Variants in FCHSD2 observed in about 807,000 individuals in gnomAD.
The protein encoded by FCHSD2 is F-BAR and double SH3 domains protein 2.
FCHSD2 carries 38 observed loss-of-function variants against 108.1 expected under a neutral mutation model. The observed-to-expected ratio is 0.35, with a 90% CI of 0.27 to 0.46. FCHSD2 has a LOEUF of 0.46. Among genes scored for constraint, FCHSD2 ranks in the 20% least tolerant of loss-of-function variants. FCHSD2 has a pLI of 1.00. For synonymous variants in FCHSD2, 279 were observed against 314.7 expected (o/e 0.89, Z 1.20); for missense variants, 751 against 897.8 (o/e 0.84, Z 2.09).
chr11:73,032,344 T>C (rs968774929), intron 3 of FCHSD2, among the ~76,000 whole-genome samples: 2 of 152,160 alleles, frequency 1.3e-5, no homozygotes, highest in African/African-American at 4.8e-5. Context: ...TCTTCCCACC[T>C]CGGCTTCCCA....
At chr11:73,083,136 GTAT>G (rs1316900909) in intron 3 of FCHSD2, among the ~76,000 whole-genome samples, 1 of 152,112 alleles carries the variant, frequency 6.6e-6, no homozygotes, top group Non-Finnish European at 1.5e-5. Flanking sequence ...CTTGTAAAAA[GTAT>G]TATTATTCAT....
At chr11:73,138,625 T>C (rs1033504575) in intron 2 of FCHSD2, among the ~76,000 whole-genome samples, 6 of 150,376 alleles carry the variant, frequency 4.0e-5, no homozygotes, top group African/African-American at 1.5e-4. Context: ...TTTTTTTTTT[T>C]TGAGACAGGG....
intron 2 of FCHSD2, among the ~76,000 whole-genome samples, chr11:73,138,290 A>C (rs1453180768): frequency 1.3e-5 from 2 of 152,232 alleles, no homozygotes; most frequent in East Asian, 3.8e-4. Context: ...ATCAGGACAC[A>C]AACTCAGGAC....
At chr11:72,921,575 T>A (rs1191300630) in intron 9 of FCHSD2, among the ~76,000 whole-genome samples, 3 of 152,232 alleles carry the variant, frequency 2.0e-5, no homozygotes, top group Non-Finnish European at 4.4e-5. Flanking sequence ...TCAAAGGCAA[T>A]GCACATGGCA....
intron 8 of FCHSD2, among the ~76,000 whole-genome samples, chr11:72,946,628 T>G (rs1856526084): frequency 1.3e-5 from 2 of 152,234 alleles, no homozygotes. Flanking sequence ...AATGCAAGTC[T>G]GTAAAATAGG....
chr11:72,907,599 G>GTGT (rs1855657221), intron 9 of FCHSD2, among the ~76,000 whole-genome samples: 2 of 114,656 alleles, frequency 1.7e-5, no homozygotes, highest in East Asian at 5.5e-4. Flanking sequence ...AATCACGTGG[G>GTGT]TTTTTTTTTT....
At chr11:72,938,698 A>G (rs566915416) in intron 8 of FCHSD2, among the ~76,000 whole-genome samples, 1 of 152,316 alleles carries the variant, frequency 6.6e-6, no homozygotes, top group South Asian at 2.1e-4. Flanking sequence ...CTCGTATTCT[A>G]CACAAACAGT....
At chr11:73,124,441 T>C (rs1316148883) in intron 2 of FCHSD2, among the ~76,000 whole-genome samples, 1 of 151,376 alleles carries the variant, frequency 6.6e-6, no homozygotes, top group Non-Finnish European at 1.5e-5. Context: ...AGAGAGAGAA[T>C]GGGGCAGAAA....
intron 8 of FCHSD2, among the ~76,000 whole-genome samples, chr11:72,980,278 T>A (rs944425891): frequency 2.0e-5 from 3 of 152,210 alleles, no homozygotes; most frequent in Non-Finnish European, 4.4e-5. Context: ...CAGTAGGCCA[T>A]CTAAGCAGTG....
At chr11:73,049,684 TAAAAAAAA>T (rs557262661) in intron 3 of FCHSD2, among the ~76,000 whole-genome samples, 1 of 75,664 alleles carries the variant, frequency 1.3e-5, no homozygotes, top group African/African-American at 3.8e-5. Flanking sequence ...TAGAGTATAA[TAAAAAAAA>T]AAAAAAAAAG....
At chr11:72,851,173 C>T (rs1475289517) in intron 13 of FCHSD2, among the ~76,000 whole-genome samples, 2 of 148,574 alleles carry the variant, frequency 1.3e-5, no homozygotes, top group African/African-American at 4.9e-5. Context: ...TCATCTATGG[C>T]TGGTAGAAAT....
intron 17 of FCHSD2, 120 bp from the exon 18 acceptor site, chr11:72,841,703 G>T: frequency 9.2e-7 from 1 of 1,092,092 alleles, no homozygotes; most frequent in Non-Finnish European, 1.3e-6. Flanking sequence ...GTTGAAACTT[G>T]TCAACCTCAT....
At chr11:73,049,175 G>A (rs931123559) in intron 3 of FCHSD2, among the ~76,000 whole-genome samples, 1 of 152,078 alleles carries the variant, frequency 6.6e-6, no homozygotes, top group African/African-American at 2.4e-5. Flanking sequence ...CCTTTAATGT[G>A]ATATCACTGT....
chr11:72,954,797 G>T (rs771960630), intron 8 of FCHSD2, among the ~76,000 whole-genome samples: 1 of 152,054 alleles, frequency 6.6e-6, no homozygotes, highest in Admixed American at 6.6e-5. Context: ...TACAAACATA[G>T]AAAGGGGGAA....
chr11:73,042,250 A>G (rs1858657937), intron 3 of FCHSD2, among the ~76,000 whole-genome samples: 1 of 152,070 alleles, frequency 6.6e-6, no homozygotes, highest in East Asian at 1.9e-4. Context: ...CTCTGGTGAA[A>G]GACAGGGGTC....
At chr11:72,903,455 G>C (rs1002323268) in intron 9 of FCHSD2, among the ~76,000 whole-genome samples, 1 of 152,054 alleles carries the variant, frequency 6.6e-6, no homozygotes, top group Non-Finnish European at 1.5e-5. Context: ...TCCTGACCTC[G>C]TGATCCACCG....
chr11:72,976,453 A>G (rs565078733), intron 8 of FCHSD2, among the ~76,000 whole-genome samples: 1 of 151,896 alleles, frequency 6.6e-6, no homozygotes. Context: ...TAATTTTTAA[A>G]TTTTTTTGTA....
intron 3 of FCHSD2, among the ~76,000 whole-genome samples, chr11:73,063,677 T>C (rs982704890): frequency 4.6e-5 from 7 of 151,908 alleles, no homozygotes; most frequent in African/African-American, 1.2e-4. Flanking sequence ...CCAACAAAGA[T>C]TGAAAGAGAC....
In FCHSD2 at chr11:72,889,940, TC is replaced by T; in HGVS notation, c.929del (p.Arg310HisfsTer3). The T allele has an allele frequency of 6.2e-7, 1 of 1,600,470 alleles. No individual in the cohort carries two copies. Among genetic ancestry groups the T allele is most frequent in the Non-Finnish European group, 8.6e-7 (1 of 1,167,674 alleles). Reference protein sequence around the residue: ...QFQPCDSDTSRQLESETGTTE... With the variant: ...QFQPCDSDTSXQLESETGTTE... ...TGGTCCCAGTTTCTGATTCTAACTG[TC>T]GGCTCTACAATACAAGAGAGAACAG... On this transcript the variant is annotated frameshift_variant, in exon 11 of 20. Coordinates refer to ENST00000409418, the MANE Select transcript of FCHSD2 (RefSeq NM_014824.3). LOFTEE classifies it high-confidence loss of function.
Sources: gnomAD v4.1 joint callset for allele counts (sites outside exome capture counted in the v4.1 genomes callset) on GRCh38, gnomAD v4.1.1 for gene constraint, MANE v1.5 for transcripts, NCBI Gene and HGNC (gene_info 2026-07-23, HGNC 2026-07-21) for gene names.